The following CDH2 variants were observed in gnomAD, a reference collection of about 807,000 sequenced individuals.
The protein encoded by CDH2 is cadherin 2.
In CDH2, 17 loss-of-function variants were observed where a neutral mutation model predicts 92.0. That is an observed-to-expected ratio of 0.18 (90% CI 0.13 to 0.28). The LOEUF (loss-of-function observed/expected upper bound fraction) is 0.28. Among genes scored for constraint, CDH2 ranks in the 10% least tolerant of loss-of-function variants. CDH2 has a pLI of 1.00. For missense variants in CDH2, 862 were observed against 1,133.1 expected, an observed-to-expected ratio of 0.76 and a Z score of 3.44; for synonymous variants, 419 against 415.9, an observed-to-expected ratio of 1.01 and a Z score of -0.09.
At chr18:27,939,247 G>T (rs1909083393) in intron 6 of CDH2, among the ~76,000 whole-genome samples, 1 of 152,092 alleles carries the variant, frequency 6.6e-6, no homozygotes, top group Non-Finnish European at 1.5e-5. Flanking sequence ...AACCCTGGGA[G>T]TCATAAAAAT....
At chr18:28,136,428 C>G (rs529315560) in intron 2 of CDH2, among the ~76,000 whole-genome samples, 1 of 149,592 alleles carries the variant, frequency 6.7e-6, no homozygotes, top group African/African-American at 2.5e-5. Context: ...GAAGAATCTT[C>G]GTCGCAATTT....
At chr18:28,084,326 G>C (rs905724448) in intron 2 of CDH2, among the ~76,000 whole-genome samples, 2 of 152,036 alleles carry the variant, frequency 1.3e-5, no homozygotes, top group African/African-American at 2.4e-5. Context: ...TCATGTTATT[G>C]TTTCTTTGCT....
intron 2 of CDH2, among the ~76,000 whole-genome samples, chr18:28,061,132 T>G (rs2014394417): frequency 6.6e-6 from 1 of 152,176 alleles, no homozygotes; most frequent in Non-Finnish European, 1.5e-5. Flanking sequence ...TTTAAAATGG[T>G]TCTTCTCAGT....
chr18:28,015,538 C>T (rs137982234), intron 2 of CDH2, among the ~76,000 whole-genome samples: 2,571 of 152,040 alleles, frequency 0.017, 41 homozygotes, highest in Non-Finnish European at 0.021. Context: ...TTTTTGGATC[C>T]CTGCTGATAA....
At chr18:28,011,606 C>A (rs566421229) in intron 4 of CDH2, among the ~76,000 whole-genome samples, 3 of 152,278 alleles carry the variant, frequency 2.0e-5, no homozygotes, top group African/African-American at 7.2e-5. Context: ...ACAAACTGAA[C>A]AAGCTTTCTA....
chr18:27,934,897 C>G (rs1908982623), intron 6 of CDH2, among the ~76,000 whole-genome samples: 1 of 152,034 alleles, frequency 6.6e-6, no homozygotes, highest in Non-Finnish European at 1.5e-5. Flanking sequence ...TTTTTATAAC[C>G]CAAGACATAA....
chr18:27,952,800 G>A (rs1024402562), intron 15 of CDH2, among the ~76,000 whole-genome samples: 3 of 152,152 alleles, frequency 2.0e-5, no homozygotes, highest in Non-Finnish European at 4.4e-5. Context: ...TCCCTCCACA[G>A]GCTTACAGTC....
At chr18:27,940,570 C>G (rs1909112016) in intron 6 of CDH2, among the ~76,000 whole-genome samples, 1 of 152,232 alleles carries the variant, frequency 6.6e-6, no homozygotes, top group East Asian at 1.9e-4. Context: ...ATTTGAGGAG[C>G]CATGTTTTTT....
intron 2 of CDH2, among the ~76,000 whole-genome samples, chr18:28,052,486 T>C (rs2014211400): frequency 1.3e-5 from 2 of 148,528 alleles, no homozygotes; most frequent in East Asian, 2.0e-4. Context: ...TTCACCTCTC[T>C]ATAAGGTCTT....
intron 2 of CDH2, among the ~76,000 whole-genome samples, chr18:28,058,270 A>C (rs2014334616): frequency 6.6e-6 from 1 of 152,208 alleles, no homozygotes; most frequent in South Asian, 2.1e-4. Context: ...ATTGATGACA[A>C]TCTGACCTTT....
chr18:28,175,534 G>T (rs1187009424), intron 1 of CDH2, among the ~76,000 whole-genome samples: 2 of 148,900 alleles, frequency 1.3e-5, no homozygotes, highest in Non-Finnish European at 2.9e-5. Context: ...GCGCGGCGGC[G>T]GCCCACGACC....
intron 2 of CDH2, among the ~76,000 whole-genome samples, chr18:28,067,492 CT>C (rs1378092631): frequency 6.6e-6 from 1 of 152,096 alleles, no homozygotes; most frequent in African/African-American, 2.4e-5. Flanking sequence ...ATATGTGGTC[CT>C]TTGTGATTAG....
At chr18:28,153,353 T>C (rs2016155577) in intron 1 of CDH2, among the ~76,000 whole-genome samples, 1 of 152,206 alleles carries the variant, frequency 6.6e-6, no homozygotes, top group African/African-American at 2.4e-5. Context: ...GCAATTTATA[T>C]TTAACCCTCC....
rs201329548 is a variant in CDH2 at position 28,009,738 on chromosome 18, G to A, written c.681C>T (p.Arg227=). The A allele has an allele frequency of 7.4e-6, 12 of 1,613,808 alleles. No individual in the cohort carries two copies. Among genetic ancestry groups the A allele is most frequent in the East Asian group, 2.2e-5 (1 of 44,862 alleles). The change falls in exon 5 of 16, where the codon CGC becomes CGT. Residue 227 remains arginine, a synonymous_variant. Coordinates refer to ENST00000269141, the MANE Select transcript of CDH2 (RefSeq NM_001792.5). ...TTACATGAAACCGGGCTATCTGCTC[G>A]CGATCCAGGGGCTTTGTCACCGACA... ...GQLSVTKPLD[R]EQIARFHLRA... is the part of the protein sequence containing the mutation.
chr18:27,971,323 T>TTTG (rs2011653049), intron 14 of CDH2, among the ~76,000 whole-genome samples: 1 of 151,636 alleles, frequency 6.6e-6, no homozygotes, highest in African/African-American at 2.4e-5. Context: ...TTTTTTTTTT[T>TTTG]TTGCATAGTA....
intron 2 of CDH2, among the ~76,000 whole-genome samples, chr18:28,041,703 A>T (rs533697554): frequency 6.6e-6 from 1 of 152,322 alleles, no homozygotes; most frequent in Non-Finnish European, 1.5e-5. Context: ...GCCTGCCTCA[A>T]CATTGTTTTT....
intron 2 of CDH2, among the ~76,000 whole-genome samples, chr18:28,100,064 T>A (rs1477115188): frequency 2.0e-5 from 3 of 152,202 alleles, no homozygotes; most frequent in Non-Finnish European, 1.5e-5. Context: ...TACAAAGTAC[T>A]GTTTGGGGCA....
chr18:27,939,047 G>C (rs1329093269), intron 6 of CDH2, among the ~76,000 whole-genome samples: 1 of 152,162 alleles, frequency 6.6e-6, no homozygotes, highest in East Asian at 1.9e-4. Context: ...TTCTGGATCA[G>C]ATGAATTTTC....
intron 2 of CDH2, among the ~76,000 whole-genome samples, chr18:28,039,766 G>A (rs575086436): frequency 6.6e-6 from 1 of 152,192 alleles, no homozygotes; most frequent in South Asian, 2.1e-4. Context: ...TGTAGGGTTA[G>A]GCAATTCCAC....
Sources: gnomAD v4.1 joint callset for allele counts (sites outside exome capture counted in the v4.1 genomes callset) on GRCh38, gnomAD v4.1.1 for gene constraint, MANE v1.5 for transcripts, NCBI Gene and HGNC (gene_info 2026-07-23, HGNC 2026-07-21) for gene names.